The following POM121 variants were observed in gnomAD, a reference collection of about 807,000 sequenced individuals.
POM121 encodes nuclear envelope pore membrane protein POM 121.
POM121 carries 32 observed loss-of-function variants against 81.3 expected under a neutral mutation model. The observed-to-expected ratio is 0.39, with a 90% CI of 0.30 to 0.53. The LOEUF (loss-of-function observed/expected upper bound fraction) is 0.53. Ranked by LOEUF, POM121 falls within the 20% of genes least tolerant of loss-of-function variation. The probability of loss-of-function intolerance (pLI) is 0.66; values close to 1 mark genes in which losing one functional copy is unlikely to be tolerated. For synonymous variants in POM121, 514 were observed against 694.2 expected, an observed-to-expected ratio of 0.74 and a Z score of 4.08; for missense variants, 1,138 against 1,614.6, an observed-to-expected ratio of 0.70 and a Z score of 5.06.
chr7:72,886,133 A>G (rs1252499877), intron 1 of POM121, among the ~76,000 whole-genome samples: 2 of 152,024 alleles, frequency 1.3e-5, no homozygotes, highest in Non-Finnish European at 2.9e-5. Context: ...ACTATCTATT[A>G]CGTTGTTGTT....
chr7:72,913,754 T>A (rs1257516372), intron 3 of POM121: 4 of 152,182 alleles, frequency 2.6e-5, no homozygotes, highest in African/African-American at 9.7e-5. Context: ...TCTTCCTCAT[T>A]CTCCTTTTAG....
At chr7:72,943,673 T>A in intron 11 of POM121, 151 bp downstream of exon 11, 2 of 1,410,004 alleles carry the variant, frequency 1.4e-6, no homozygotes, top group Non-Finnish European at 1.9e-6. Context: ...ATACATGTTT[T>A]GCTAACGTAG....
At chr7:72,907,863 G>T (rs1403341266) in intron 3 of POM121, among the ~76,000 whole-genome samples, 1 of 152,172 alleles carries the variant, frequency 6.6e-6, no homozygotes. Flanking sequence ...TGGGAATTCA[G>T]TGACATGAAT....
intron 5 of POM121, among the ~76,000 whole-genome samples, chr7:72,935,047 A>C (rs1269651855): frequency 1.3e-5 from 2 of 152,092 alleles, no homozygotes; most frequent in African/African-American, 4.8e-5. Flanking sequence ...TTCCACAAAA[A>C]AAAAAAAAAG....
At chr7:72,905,631 C>T (rs1224088497) in intron 3 of POM121, among the ~76,000 whole-genome samples, 5 of 152,156 alleles carry the variant, frequency 3.3e-5, no homozygotes, top group Non-Finnish European at 5.9e-5. Context: ...ACCCAGGAGG[C>T]GGAGGTTGCA....
At chr7:72,945,809 C>G in intron 12 of POM121, 101 bp downstream of exon 12, 5 of 1,494,194 alleles carry the variant, frequency 3.3e-6, no homozygotes, top group South Asian at 1.3e-5. Context: ...AGATCAGGTT[C>G]AGCACAGGAA....
chr7:72,948,870 G>C (rs782456388), downstream of POM121: 1 of 1,602,398 alleles, frequency 6.2e-7, no homozygotes, highest in East Asian at 2.2e-5. Flanking sequence ...CCCCCTCCAC[G>C]ACCCTGGCGC....
chr7:72,883,765 C>T (rs1790398670), intron 1 of POM121, among the ~76,000 whole-genome samples: 2 of 151,982 alleles, frequency 1.3e-5, no homozygotes, highest in Non-Finnish European at 2.9e-5. Flanking sequence ...TCTGGAGGCA[C>T]GTGTTACCTT....
chr7:72,949,018 C>G (rs370361200), downstream of POM121: 1 of 1,612,720 alleles, frequency 6.2e-7, no homozygotes, highest in Admixed American at 1.7e-5. Flanking sequence ...GCACAGGGCT[C>G]GCTGCTGGAA....
At chr7:72,924,891 C>A, upstream of POM121, 1 of 625,176 alleles carries the variant, frequency 1.6e-6, no homozygotes, top group Non-Finnish European at 2.4e-6. Flanking sequence ...GATCCTTCCA[C>A]GGGATCGCCT....
intron 3 of POM121, among the ~76,000 whole-genome samples, chr7:72,904,706 A>G (rs1793065100): frequency 6.6e-6 from 1 of 152,190 alleles, no homozygotes; most frequent in Non-Finnish European, 1.5e-5. Flanking sequence ...TTGGAGTATT[A>G]GTCAGTTTTC....
At chr7:72,926,241 T>C in intron 1 of POM121, 21 bp from the exon 2 acceptor site, 3 of 1,546,226 alleles carry the variant, frequency 1.9e-6, no homozygotes, top group Non-Finnish European at 2.6e-6. Flanking sequence ...GGTTCCGTGA[T>C]TTGTCTCGCA....
At position 72,942,198 on chromosome 7, in the gene POM121, A is replaced by T. The variant is rs79801919; in HGVS notation, c.2205A>T (p.Pro735=). ...TGTTCAAGCCCATTTTCACGGCTCC[A>T]CCCAAGAGTGAGAAGGAAGGCCCCA... ...PPMFKPIFTA[P]PKSEKEGPTP... is the part of the protein sequence containing the mutation. The change falls in exon 11 of 13, where the codon CCA becomes CCT. Residue 735 remains proline, a synonymous_variant. Transcript: ENST00000434423. The T allele has an allele frequency of 1.7e-3, 2,680 of 1,609,596 alleles. 146 individuals carry two copies. In the African/African-American group the frequency reaches 0.033, roughly 20 times the overall value.
downstream of POM121, chr7:72,949,054 G>A (rs150808402): frequency 4.3e-5 from 69 of 1,613,328 alleles, no homozygotes; most frequent in South Asian, 6.6e-5. Flanking sequence ...CAGACGCACC[G>A]GGCTAGGTGT....
rs375344762 is a variant in POM121, at chr7:72,899,671, A to T, written c.-216+8561A>T. On this transcript the variant is annotated intron_variant, in intron 3 of 15. Transcript: ENST00000395270. ...TCGGCTCACTGCAAGCTCCGCCTCC[A>T]GGGTTCACACCATTCTCCTGCCTCA... Among the ~76,000 whole-genome samples, 371 of 145,216 alleles carry T rather than the reference A, an allele frequency of 2.6e-3. 3 individuals carry two copies. Among genetic ancestry groups the T allele is most frequent in the Admixed American group, 0.02 (270 of 13,666 alleles).
rs1554497078 is a variant in POM121 at position 72,925,558 on chromosome 7, C to G, written c.437C>G (p.Pro146Arg). 4.6e-6 allele frequency: 7 copies of G among 1,531,926 alleles called. No individual in the cohort carries two copies. In the Admixed American group the frequency reaches 1.2e-4, roughly 26 times the overall value. 94.9% of individuals were successfully genotyped at this position (1,531,926 alleles called of 1,614,324 possible). A position where few individuals can be genotyped will look rare whatever the true frequency, so the allele number is the denominator to read the frequency against. ...GGCAGTTACCTGGGCAAGCCCGGGC[C>G]GCCGCAGCCCGCCGCCGCTCCGGAG... The part of the protein sequence containing the change: ...LMGSYLGKPG[P>R]PQPAAAPEGQ... Residue 146 changes from proline to arginine, a missense_variant, in exon 1 of 13, where the codon CCG (proline) becomes CGG (arginine). Coordinates refer to ENST00000434423, the MANE Select transcript of POM121 (RefSeq NM_001387691.1).
Position 72,925,481 on chromosome 7 carries a change from A to G in POM121, c.360A>G (p.Leu120=), listed in dbSNP as rs1241008386. 5.2e-6 allele frequency: 8 copies of G among 1,533,540 alleles called. No homozygotes were observed. Among genetic ancestry groups the G allele is most frequent in the South Asian group, 4.8e-5 (4 of 83,978 alleles). The allele number at this position is 1,533,540 out of a possible 1,614,324, so 95.0% of individuals were successfully genotyped here. Residue 120 remains leucine, a synonymous_variant, in exon 1 of 13, where the codon CTA becomes CTG. Coordinates refer to ENST00000434423, the MANE Select transcript of POM121 (RefSeq NM_001387691.1). The part of the protein sequence containing the change: ...LAKSTANGNL[L]EPRTLLEGPD... The stretch of plus-strand genomic sequence containing the variant: ...AGTCGACAGCCAACGGAAACCTCCT[A>G]GAGCCGCGGACCCTGCTCGAAGGAC...
At chr7:72,904,886 C>T (rs1793082642) in intron 3 of POM121, among the ~76,000 whole-genome samples, 1 of 152,126 alleles carries the variant, frequency 6.6e-6, no homozygotes, top group South Asian at 2.1e-4. Context: ...GGAGAGAGTG[C>T]AGGGGAAACT....
downstream of POM121, chr7:72,949,002 C>T (rs782310229): frequency 3.5e-5 from 57 of 1,610,262 alleles, no homozygotes; most frequent in African/African-American, 9.4e-5. Flanking sequence ...GGAAAGTGAG[C>T]GCGTGGCACA....
Sources: gnomAD v4.1 joint callset for allele counts (sites outside exome capture counted in the v4.1 genomes callset) on GRCh38, gnomAD v4.1.1 for gene constraint, MANE v1.5 for transcripts, NCBI Gene and HGNC (gene_info 2026-07-23, HGNC 2026-07-21) for gene names.